The following RCBTB2 variants were observed in gnomAD, a reference collection of about 807,000 sequenced individuals.
RCBTB2 encodes RCC1 and BTB domain containing protein 2, also known as RCC1 and BTB domain-containing protein 2.
In RCBTB2, 55 loss-of-function variants were observed where a neutral mutation model predicts 65.4. The ratio of observed to expected loss-of-function variants is 0.84; its 90% confidence interval spans 0.68 to 1.05. The LOEUF (loss-of-function observed/expected upper bound fraction) is 1.05. Ranked by LOEUF, RCBTB2 falls within the 50% of genes least tolerant of loss-of-function variation. The pLI is 0.00. For synonymous variants in RCBTB2, 220 were observed against 255.2 expected (o/e 0.86, Z 1.31); for missense variants, 599 against 680.1 (o/e 0.88, Z 1.33).
chr13:48,515,858 T>C, intron 4 of RCBTB2, 117 bp from the exon 5 acceptor site: 1 of 1,019,822 alleles, frequency 9.8e-7, no homozygotes, highest in Non-Finnish European at 1.4e-6. Context: ...TGCATCCATT[T>C]TTGAGAGGCC....
intron 10 of RCBTB2, among the ~76,000 whole-genome samples, chr13:48,506,757 T>G (rs761111975): frequency 6.6e-6 from 1 of 152,254 alleles, no homozygotes; most frequent in African/African-American, 2.4e-5. Context: ...ATGAACAATG[T>G]GAAGATAAGC....
In RCBTB2 at chr13:48,522,335, A is replaced by G. The variant is rs1453473435; in HGVS notation, c.-51T>C. Reference sequence around the variant, plus strand: ...TTGTCAACTTTTCTCTGGGATTGGAAAGTTCCAAATCACGGGGAAGAGCGG... The same window carrying G: ...TTGTCAACTTTTCTCTGGGATTGGAGAGTTCCAAATCACGGGGAAGAGCGG... On this transcript the variant is annotated 5_prime_UTR_variant, in exon 3 of 15. Transcript: ENST00000344532. 1 of 1,531,296 alleles carries G rather than the reference A, an allele frequency of 6.5e-7. No individual in the cohort carries two copies. Among genetic ancestry groups the G allele is most frequent in the African/African-American group, 1.4e-5 (1 of 72,922 alleles). The allele number at this position is 1,531,296 out of a possible 1,614,324, so 94.9% of individuals were successfully genotyped here.
chr13:48,494,250 A>G (rs1158006812), intron 14 of RCBTB2, among the ~76,000 whole-genome samples: 4 of 152,240 alleles, frequency 2.6e-5, no homozygotes, highest in Non-Finnish European at 2.9e-5. Flanking sequence ...CATGAGGGAT[A>G]ATAATTTGCT....
chr13:48,509,792 C>T (rs1042784986), intron 10 of RCBTB2, among the ~76,000 whole-genome samples: 2 of 152,068 alleles, frequency 1.3e-5, no homozygotes, highest in African/African-American at 4.8e-5. Context: ...AGTATTCCAG[C>T]AGAAAATTAG....
chr13:48,531,435 T>C (rs762153997), intron 1 of RCBTB2, among the ~76,000 whole-genome samples: 1 of 152,212 alleles, frequency 6.6e-6, no homozygotes, highest in Non-Finnish European at 1.5e-5. Flanking sequence ...TACAAGAGTT[T>C]GGAGAGCCAG....
chr13:48,490,830 A>C (rs9332066), intron 14 of RCBTB2, among the ~76,000 whole-genome samples: 12,706 of 152,250 alleles, frequency 0.083, 1,335 homozygotes, highest in African/African-American at 0.24. Context: ...AACTGGGAAA[A>C]TGCTTTAAAG....
Position 48,511,821 on chromosome 13 carries a change from G to A in RCBTB2, c.732C>T (p.Asn244=), listed in dbSNP as rs138201857. The change falls in exon 9 of 15, where the codon AAC becomes AAT. Residue 244 remains asparagine (N), a synonymous_variant. Transcript: ENST00000344532. The stretch of plus-strand genomic sequence containing the variant: ...CTGCCACTCTGCAAGGGGTTGGCTG[G>A]TTGCCACTGTTGCCGAGTCCAAGCT... ...NGQLGLGNSG[N]QPTPCRVAAL... 5 of 1,614,060 alleles carry A rather than the reference G, an allele frequency of 3.1e-6. No individual in the cohort carries two copies. In the African/African-American group the frequency reaches 6.7e-5, roughly 22 times the overall value.
At chr13:48,499,867 T>C (rs1348466499) in intron 12 of RCBTB2, 107 bp from the exon 13 acceptor site, 3 of 1,268,606 alleles carry the variant, frequency 2.4e-6, no homozygotes, top group Admixed American at 4.3e-5. Flanking sequence ...ACGTCCCTGC[T>C]GTGGCTCCTC....
At chr13:48,512,283 A>G (rs1436691462) in intron 7 of RCBTB2, 109 bp from the exon 8 acceptor site, 1 of 903,324 alleles carries the variant, frequency 1.1e-6, no homozygotes, top group African/African-American at 1.7e-5. Context: ...AGTGCTTCAC[A>G]TTCATAAATC....
chr13:48,535,873 C>A (rs1459146200), upstream of RCBTB2: 1 of 396,038 alleles, frequency 2.5e-6, no homozygotes, highest in Non-Finnish European at 5.0e-6. Flanking sequence ...TCTATCTTCT[C>A]GTTCCCTTAG....
intron 1 of RCBTB2, 117 bp downstream of exon 1, chr13:48,532,910 CG>C: frequency 2.2e-6 from 1 of 444,924 alleles, no homozygotes; most frequent in Non-Finnish European, 4.5e-6. Flanking sequence ...CTGTCTCTGG[CG>C]GGGAGGTCGG....
rs537895695 is a variant in RCBTB2, at chr13:48,503,054, A to G, written c.927-140T>C. 412 of 886,030 alleles carry G rather than the reference A, an allele frequency of 4.6e-4. 1 individual carries two copies. Among genetic ancestry groups the G allele is most frequent in the Non-Finnish European group, 6.5e-4 (389 of 598,990 alleles). The allele number at this position is 886,030 out of a possible 1,614,324, so 54.9% of individuals were successfully genotyped here. On this transcript the variant is annotated intron_variant, in intron 10 of 14. Coordinates refer to ENST00000344532, the MANE Select transcript of RCBTB2 (RefSeq NM_001268.4). Reference sequence around the variant, plus strand: ...GGAAAAGGAAAAAACAAAACAAAACAAACCACCACATGACTCATACACCTC... The same window carrying G: ...GGAAAAGGAAAAAACAAAACAAAACGAACCACCACATGACTCATACACCTC...
intron 1 of RCBTB2, among the ~76,000 whole-genome samples, chr13:48,528,785 C>A (rs998358181): frequency 5.9e-4 from 90 of 152,160 alleles, no homozygotes; most frequent in African/African-American, 2.1e-3. Context: ...AAATCAATGA[C>A]AAGTAACAGT....
At position 48,522,979 on chromosome 13, in the gene RCBTB2, G is replaced by A. The variant is rs962656141; in HGVS notation, c.-119-576C>T. Reference sequence around the variant, plus strand: ...GCTATAAAAAGATCTCTCAGAATACGAGAAATCATAATTTATTCAGAATTA... The same window carrying A: ...GCTATAAAAAGATCTCTCAGAATACAAGAAATCATAATTTATTCAGAATTA... On this transcript the variant is annotated intron_variant, in intron 2 of 14. Transcript: ENST00000344532. Among the ~76,000 whole-genome samples the A allele has an allele frequency of 3.9e-5, 6 of 152,032 alleles. No homozygotes were observed. The South Asian group carries it at 6.2e-4, about 16-fold the overall frequency.
At chr13:48,512,670 T>G (rs1181924907) in intron 7 of RCBTB2, 59 bp downstream of exon 7, 1 of 1,372,768 alleles carries the variant, frequency 7.3e-7, no homozygotes, top group Non-Finnish European at 1.0e-6. Context: ...AGGACTACTA[T>G]AGAAGTCTAC....
chr13:48,518,348 A>G (rs971471518), intron 4 of RCBTB2, among the ~76,000 whole-genome samples: 1 of 151,800 alleles, frequency 6.6e-6, no homozygotes, highest in African/African-American at 2.4e-5. Flanking sequence ...CCTTGCCCTA[A>G]AAAGGACACC....
At chr13:48,513,525 G>A (rs1352943504) in intron 6 of RCBTB2, among the ~76,000 whole-genome samples, 16 of 152,108 alleles carry the variant, frequency 1.1e-4, no homozygotes, top group Admixed American at 1.0e-3. Context: ...TTTCCAGCAT[G>A]TTGTCTCTTA....
intron 4 of RCBTB2, among the ~76,000 whole-genome samples, chr13:48,518,472 A>AAAATATATATATAT (rs1491137365): frequency 6.9e-5 from 8 of 116,620 alleles, no homozygotes; most frequent in African/African-American, 3.0e-4. Context: ...AAAAAAAAAA[A>AAAATATATATATAT]ATATATATAT....
At chr13:48,526,955 G>A (rs1951772827) in intron 1 of RCBTB2, among the ~76,000 whole-genome samples, 1 of 151,680 alleles carries the variant, frequency 6.6e-6, no homozygotes, top group African/African-American at 2.4e-5. Flanking sequence ...TTAAATAGGA[G>A]GATTAAATAA....
Sources: allele counts gnomAD v4.1 joint callset (sites outside exome capture counted in the v4.1 genomes callset), GRCh38; gene constraint gnomAD v4.1.1; transcripts MANE v1.5; gene names NCBI Gene and HGNC (gene_info 2026-07-23, HGNC 2026-07-21).